PRKG1: variants seen among roughly 807,000 people sequenced by gnomAD.
The protein encoded by PRKG1 is cGMP-dependent protein kinase 1.
In PRKG1, 35 loss-of-function variants were observed where a neutral mutation model predicts 88.1. The observed-to-expected ratio is 0.40, with a 90% CI of 0.30 to 0.53. The LOEUF (loss-of-function observed/expected upper bound fraction) is 0.53. PRKG1 is among the 20% of genes least tolerant of loss of function. The pLI is 0.59. For synonymous variants in PRKG1, 303 were observed against 292.5 expected, an observed-to-expected ratio of 1.04 and a Z score of -0.37; for missense variants, 540 against 839.8, an observed-to-expected ratio of 0.64 and a Z score of 4.41.
intron 3 of PRKG1, among the ~76,000 whole-genome samples, chr10:51,508,015 G>C (rs531360128): frequency 7.8e-4 from 118 of 152,224 alleles, no homozygotes; most frequent in Non-Finnish European, 1.2e-3. Flanking sequence ...GCAATTTAAT[G>C]ATTAAGTGTA....
At chr10:51,215,432 A>G (rs999153664) in intron 2 of PRKG1, among the ~76,000 whole-genome samples, 9 of 152,154 alleles carry the variant, frequency 5.9e-5, no homozygotes, top group Admixed American at 2.0e-4. Flanking sequence ...GGTCATATAC[A>G]TATTTTCTTA....
At chr10:51,784,240 G>A (rs1043636859) in intron 3 of PRKG1, among the ~76,000 whole-genome samples, 1 of 152,018 alleles carries the variant, frequency 6.6e-6, no homozygotes, top group African/African-American at 2.4e-5. Context: ...TGTGCATGCA[G>A]GATTGGGCCC....
chr10:51,370,073 A>G (rs1214251857), intron 2 of PRKG1, among the ~76,000 whole-genome samples: 1 of 152,072 alleles, frequency 6.6e-6, no homozygotes, highest in African/African-American at 2.4e-5. Flanking sequence ...TTGGTACCAT[A>G]TGAAATATCA....
intron 3 of PRKG1, among the ~76,000 whole-genome samples, chr10:51,626,787 A>G (rs1221768784): frequency 1.3e-5 from 2 of 152,180 alleles, no homozygotes; most frequent in African/African-American, 4.8e-5. Flanking sequence ...GGAAAATTGT[A>G]TTGCAAGGAG....
intron 3 of PRKG1, among the ~76,000 whole-genome samples, chr10:51,795,279 G>C (rs1386547113): frequency 2.0e-5 from 3 of 152,034 alleles, no homozygotes; most frequent in African/African-American, 7.2e-5. Flanking sequence ...TCCAATGTAT[G>C]AATATGGTGA....
chr10:51,217,378 T>C (rs534276790), intron 2 of PRKG1, among the ~76,000 whole-genome samples: 3 of 152,236 alleles, frequency 2.0e-5, no homozygotes, highest in South Asian at 4.1e-4. Flanking sequence ...ATAAGTTTGG[T>C]GTGGGGAAAA....
chr10:52,050,483 A>C (rs1845963577), intron 5 of PRKG1, among the ~76,000 whole-genome samples: 1 of 152,202 alleles, frequency 6.6e-6, no homozygotes, highest in South Asian at 2.1e-4. Context: ...TTTGATTAAC[A>C]TAATTAGAGA....
intron 3 of PRKG1, among the ~76,000 whole-genome samples, chr10:51,656,174 A>T (rs1454871360): frequency 1.3e-5 from 2 of 152,190 alleles, no homozygotes; most frequent in Non-Finnish European, 2.9e-5. Flanking sequence ...TCTCAAGTCC[A>T]TGATTCTTAT....
chr10:52,065,097 GTA>G (rs1420207958), intron 7 of PRKG1, among the ~76,000 whole-genome samples: 3 of 152,130 alleles, frequency 2.0e-5, no homozygotes, highest in Non-Finnish European at 4.4e-5. Context: ...TTCTTCTCAT[GTA>G]TCATGAAGGA....
chr10:51,717,022 T>G (rs1327527184), intron 3 of PRKG1, among the ~76,000 whole-genome samples: 1 of 152,142 alleles, frequency 6.6e-6, no homozygotes, highest in African/African-American at 2.4e-5. Context: ...TTGCAAAGTA[T>G]AAAAGTCTTG....
At chr10:51,497,807 A>C (rs1239921922) in intron 3 of PRKG1, among the ~76,000 whole-genome samples, 2 of 152,170 alleles carry the variant, frequency 1.3e-5, no homozygotes, top group Non-Finnish European at 2.9e-5. Context: ...TAATTAACCC[A>C]AATTTGGTTA....
chr10:51,697,097 GGTAACATAACTT>G (rs1564610937), intron 3 of PRKG1: 1 of 152,124 alleles, frequency 6.6e-6, no homozygotes, highest in African/African-American at 2.4e-5. Context: ...TGATTTTTCA[GGTAACATAACTT>G]TAGAAAAAAA....
chr10:52,209,766 C>T (rs999635585), intron 9 of PRKG1, among the ~76,000 whole-genome samples: 2 of 152,092 alleles, frequency 1.3e-5, no homozygotes, highest in African/African-American at 4.8e-5. Context: ...TCAAATCCAT[C>T]AGCAAATATG....
At position 52,112,865 on chromosome 10, in the gene PRKG1, A is replaced by G. The variant is rs114455653; in HGVS notation, c.936-20975A>G. On this transcript the variant is annotated intron_variant, in intron 7 of 17. Coordinates refer to ENST00000373980, the MANE Select transcript of PRKG1 (RefSeq NM_006258.4). The stretch of plus-strand genomic sequence containing the variant: ...TATGAAATTATGACTACGGTCGTCC[A>G]AGAAAACACTAAAAAATCTATCATT... 9.5e-3 allele frequency among the ~76,000 whole-genome samples: 1,454 copies of G among 152,300 alleles called. 27 individuals are homozygous for G. The highest frequency in any genetic ancestry group is 0.033 in the African/African-American group (1,357 of 41,570).
chr10:51,240,586 T>C (rs1839125456), intron 2 of PRKG1, among the ~76,000 whole-genome samples: 1 of 152,218 alleles, frequency 6.6e-6, no homozygotes, highest in African/African-American at 2.4e-5. Flanking sequence ...CTCTTTAATA[T>C]CTAGAAATGT....
At chr10:52,234,423 T>C (rs1039574770) in intron 9 of PRKG1, among the ~76,000 whole-genome samples, 5 of 151,786 alleles carry the variant, frequency 3.3e-5, no homozygotes, top group African/African-American at 1.2e-4. Flanking sequence ...TTGAAAAAAA[T>C]TTAGAAGCAT....
At chr10:51,209,669 G>A (rs952727665) in intron 2 of PRKG1, among the ~76,000 whole-genome samples, 1 of 152,000 alleles carries the variant, frequency 6.6e-6, no homozygotes, top group Non-Finnish European at 1.5e-5. Context: ...ATTTTACTAG[G>A]AAGAGATAAT....
At chr10:52,278,511 T>C (rs1841925074) in intron 12 of PRKG1, among the ~76,000 whole-genome samples, 1 of 152,166 alleles carries the variant, frequency 6.6e-6, no homozygotes, top group Non-Finnish European at 1.5e-5. Flanking sequence ...CATGCACATG[T>C]ATGTTTATTG....
At chr10:51,128,073 T>C (rs577585553) in intron 1 of PRKG1, among the ~76,000 whole-genome samples, 1 of 152,084 alleles carries the variant, frequency 6.6e-6, no homozygotes, top group African/African-American at 2.4e-5. Context: ...CATGTATACC[T>C]AAGTAACAAA....
Sources: allele counts gnomAD v4.1 joint callset (sites outside exome capture counted in the v4.1 genomes callset), GRCh38; gene constraint gnomAD v4.1.1; transcripts MANE v1.5; gene names NCBI Gene and HGNC (gene_info 2026-07-23, HGNC 2026-07-21).